Variants in TBCK observed in about 807,000 individuals in gnomAD.
TBCK encodes TBC1 domain containing kinase.
Under a neutral mutation model 113.4 loss-of-function variants are expected in TBCK, and 99 were observed. The ratio of observed to expected loss-of-function variants is 0.87; its 90% CI spans 0.74 to 1.03. The LOEUF (loss-of-function observed/expected upper bound fraction) is 1.03. TBCK is among the 50% of genes least tolerant of loss of function. The pLI is 0.00. For missense variants in TBCK, 1,045 were observed against 1,061.3 expected (o/e 0.98, Z 0.21); for synonymous variants, 369 against 370.8 (o/e 1.00, Z 0.05).
intron 8 of TBCK, 58 bp downstream of exon 8, chr4:106,248,863 A>C: frequency 7.4e-7 from 1 of 1,355,668 alleles, no homozygotes; most frequent in East Asian, 2.3e-5. Flanking sequence ...AAGTTACCCA[A>C]TATCAGGTAT....
intron 3 of TBCK, among the ~76,000 whole-genome samples, chr4:106,294,156 C>A (rs778345421): frequency 6.6e-6 from 1 of 152,108 alleles, no homozygotes; most frequent in Non-Finnish European, 1.5e-5. Flanking sequence ...ATACAAGTAT[C>A]CTATTTGAAG....
At chr4:106,150,544 C>G (rs143396255) in intron 23 of TBCK, among the ~76,000 whole-genome samples, 5 of 152,002 alleles carry the variant, frequency 3.3e-5, no homozygotes, top group African/African-American at 7.2e-5. Context: ...TTTTCAGATA[C>G]ATTGCTTTAC....
At chr4:106,118,008 CAAAAAAA>C (rs1006398569) in intron 23 of TBCK, among the ~76,000 whole-genome samples, 1 of 76,426 alleles carries the variant, frequency 1.3e-5, no homozygotes, top group African/African-American at 5.1e-5. Flanking sequence ...GACTCCGTCT[CAAAAAAA>C]AAAAAAACAA....
Position 106,138,616 on chromosome 4 carries a change from C to T in TBCK, c.2236-22238G>A, listed in dbSNP as rs1746833942. On this transcript the variant is annotated intron_variant, in intron 23 of 25. Transcript: ENST00000394708. Reference sequence around the variant, plus strand: ...CAGTAAGTGAAGAACTCTAGTGTCACTGACTTATAAGGCAAAAACAGGGTC... The same window carrying T: ...CAGTAAGTGAAGAACTCTAGTGTCATTGACTTATAAGGCAAAAACAGGGTC... Among the ~76,000 whole-genome samples the T allele has an allele frequency of 1.4e-5, 2 of 141,360 alleles. 1 individual carries two copies. The highest frequency in any genetic ancestry group is 4.8e-4 in the South Asian group (2 of 4,150). The allele number at this position is 141,360 out of a possible 152,430, so 92.7% of individuals were successfully genotyped here. A position where few individuals can be genotyped will look rare whatever the true frequency, so the allele number is the denominator to read the frequency against.
chr4:106,203,544 A>C (rs1387188673), intron 20 of TBCK, among the ~76,000 whole-genome samples: 1 of 151,816 alleles, frequency 6.6e-6, no homozygotes, highest in Non-Finnish European at 1.5e-5. Context: ...GATTTCTCTA[A>C]ATAAAAAAAG....
At chr4:106,069,751 C>A (rs1185450151) in intron 25 of TBCK, among the ~76,000 whole-genome samples, 3 of 152,170 alleles carry the variant, frequency 2.0e-5, no homozygotes. Flanking sequence ...GCCATTTTCA[C>A]GATATGGATT....
chr4:106,126,973 G>A (rs1433272887), intron 23 of TBCK, among the ~76,000 whole-genome samples: 1 of 151,936 alleles, frequency 6.6e-6, no homozygotes, highest in Admixed American at 6.6e-5. Flanking sequence ...TCTTTGGGAG[G>A]CCGAGGCGGG....
chr4:106,086,837 G>A (rs1224520882), intron 25 of TBCK, among the ~76,000 whole-genome samples: 1 of 152,126 alleles, frequency 6.6e-6, no homozygotes, highest in Non-Finnish European at 1.5e-5. Context: ...AAAATCACAT[G>A]ATTATGTCAA....
At chr4:106,201,603 T>C (rs1754894370) in intron 20 of TBCK, among the ~76,000 whole-genome samples, 2 of 151,996 alleles carry the variant, frequency 1.3e-5, no homozygotes, top group South Asian at 4.1e-4. Context: ...GTAGTGATAT[T>C]TAGCATTTCA....
intron 23 of TBCK, among the ~76,000 whole-genome samples, chr4:106,159,172 A>G (rs891260757): frequency 2.0e-5 from 3 of 152,114 alleles, no homozygotes; most frequent in Non-Finnish European, 4.4e-5. Context: ...TATATGAAAA[A>G]CCCACAGAAA....
rs567282190 is a variant in TBCK, at chr4:106,147,634, C to T, written c.2235+23461G>A. On this transcript the variant is annotated intron_variant, in intron 23 of 25. Coordinates refer to ENST00000394708, the MANE Select transcript of TBCK (RefSeq NM_001163435.3). ...ATCAGTACCCTTGTGATTTCCTATG[C>T]CTGTCTTTACTTTAATCTCTTAATC... is the stretch of plus-strand genomic sequence containing the variant. 2.6e-5 allele frequency among the ~76,000 whole-genome samples: 4 copies of T among 152,208 alleles called. No individual in the cohort carries two copies. The East Asian group carries it at 7.7e-4, about 29-fold the overall frequency.
Position 106,219,136 on chromosome 4 carries a change from C to T in TBCK, c.1775-6301G>A, listed in dbSNP as rs1481557252. On this transcript the variant is annotated intron_variant, in intron 19 of 25. Transcript: ENST00000394708. ...ATCACAAGAACAAAAAACCAAACAC[C>T]GCATATTCTCACTCATAGGTGGGAA... Among the ~76,000 whole-genome samples the T allele has an allele frequency of 7.6e-5, 11 of 145,490 alleles. No individual in the cohort carries two copies. The East Asian group carries it at 8.2e-4, about 11-fold the overall frequency.
chr4:106,045,057 CTTTTTTTTT>C lies in TBCK; in HGVS notation c.*1504_*1512del, dbSNP rs35285037. 7.9e-6 allele frequency: 1 copy of C among 126,950 alleles called. No homozygotes were observed. Among genetic ancestry groups the C allele is most frequent in the East Asian group, 2.3e-4 (1 of 4,430 alleles). The allele number at this position is 126,950 out of a possible 1,614,324, so 7.9% of individuals were successfully genotyped here. A position where few individuals can be genotyped will look rare whatever the true frequency, so the allele number is the denominator to read the frequency against. On this transcript the variant is annotated 3_prime_UTR_variant, in exon 26 of 26. Transcript: ENST00000394708. Reference sequence around the variant, plus strand: ...ATTTCTGAAATGGGAATGTATCTTTCTTTTTTTTTTTTTTTTTGAGATGGCAGGGTGAGC... The same window carrying C: ...ATTTCTGAAATGGGAATGTATCTTTCTTTTTTTTGAGATGGCAGGGTGAGC...
chr4:106,150,293 T>C (rs895982703), intron 23 of TBCK, among the ~76,000 whole-genome samples: 2 of 152,150 alleles, frequency 1.3e-5, no homozygotes, highest in East Asian at 3.9e-4. Flanking sequence ...AACACTATGA[T>C]CACAAATATG....
At chr4:106,240,069 T>C (rs1759917978) in intron 12 of TBCK, among the ~76,000 whole-genome samples, 1 of 151,886 alleles carries the variant, frequency 6.6e-6, no homozygotes, top group Non-Finnish European at 1.5e-5. Flanking sequence ...AATACAAACA[T>C]GGCTCAACAT....
chr4:106,313,410 G>C (rs1245860021), intron 1 of TBCK, among the ~76,000 whole-genome samples: 1 of 152,076 alleles, frequency 6.6e-6, no homozygotes, highest in Non-Finnish European at 1.5e-5. Flanking sequence ...GACATGGAAG[G>C]ATTGAGAGTT....
rs1461323037 is a variant in TBCK at position 106,206,308 on chromosome 4, T to C, written c.1860+6442A>G. Among the ~76,000 whole-genome samples, 4 of 152,352 alleles carry C rather than the reference T, an allele frequency of 2.6e-5. No homozygotes were observed. The South Asian group carries it at 8.3e-4, about 32-fold the overall frequency. ...TATTTAACTTGTGTGTATAGTTTTT[T>C]GGCTAGAAAGTACCAAAAATGTCAT... On this transcript the variant is annotated intron_variant, in intron 20 of 25. Coordinates refer to ENST00000394708, the MANE Select transcript of TBCK (RefSeq NM_001163435.3).
intron 25 of TBCK, among the ~76,000 whole-genome samples, chr4:106,069,739 T>C (rs1423705341): frequency 2.0e-5 from 3 of 152,238 alleles, no homozygotes; most frequent in African/African-American, 7.2e-5. Flanking sequence ...CTGGGCAGTA[T>C]GGCCATTTTC....
chr4:106,135,815 C>A (rs1258176527), intron 23 of TBCK, among the ~76,000 whole-genome samples: 1 of 141,422 alleles, frequency 7.1e-6, no homozygotes, highest in Non-Finnish European at 1.6e-5. Context: ...ACTAGTCTCA[C>A]TGAATTGACC....
Sources: allele counts gnomAD v4.1 joint callset (sites outside exome capture counted in the v4.1 genomes callset), GRCh38; gene constraint gnomAD v4.1.1; transcripts MANE v1.5; gene names NCBI Gene and HGNC (gene_info 2026-07-23, HGNC 2026-07-21).